Variants in ADAM12 observed in about 807,000 individuals in gnomAD.
ADAM12 encodes disintegrin and metalloproteinase domain-containing protein 12.
Under a neutral mutation model 106.4 loss-of-function variants are expected in ADAM12, and 70 were observed. That is an observed-to-expected ratio of 0.66 (90% CI 0.54 to 0.80). The LOEUF is 0.80. Among genes scored for constraint, ADAM12 ranks in the 30% least tolerant of loss-of-function variants. ADAM12 has a pLI of 0.00. For missense variants in ADAM12, 1,010 were observed against 1,171.9 expected (o/e 0.86, Z 2.02); for synonymous variants, 420 against 433.5 (o/e 0.97, Z 0.39).
rs1424469145 is a variant in ADAM12 at position 126,098,516 on chromosome 10, G to A, written c.912-16C>T. 6.3e-7 allele frequency: 1 copy of A among 1,599,856 alleles called. No individual in the cohort carries two copies. Among genetic ancestry groups the A allele is most frequent in the South Asian group, 1.1e-5 (1 of 90,704 alleles). ...ATAAACCCCACTAGGAAATAAAAGA[G>A]AGGACTTTCTTTAATCAAATTAGAA... On this transcript the variant is annotated splice_polypyrimidine_tract_variant and intron_variant, in intron 9 of 22. Transcript: ENST00000448723.
chr10:126,297,897 C>T (rs925705461), intron 2 of ADAM12, among the ~76,000 whole-genome samples: 4 of 152,058 alleles, frequency 2.6e-5, no homozygotes, highest in Admixed American at 2.6e-4. Context: ...ACCAGAACTT[C>T]CCACAGACTC....
chr10:126,266,023 G>A (rs1959089119), intron 3 of ADAM12, among the ~76,000 whole-genome samples: 1 of 152,306 alleles, frequency 6.6e-6, no homozygotes, highest in East Asian at 1.9e-4. Context: ...ATTTGCAGGT[G>A]AAATGACGTG....
chr10:126,139,980 TG>T (rs1956480574), intron 4 of ADAM12, among the ~76,000 whole-genome samples: 2 of 152,216 alleles, frequency 1.3e-5, no homozygotes, highest in Non-Finnish European at 2.9e-5. Flanking sequence ...CATAATGCTC[TG>T]GGGCATCAGG....
chr10:126,239,427 T>C (rs1435370793), intron 3 of ADAM12, among the ~76,000 whole-genome samples: 3 of 152,250 alleles, frequency 2.0e-5, no homozygotes, highest in African/African-American at 7.2e-5. Flanking sequence ...GTCCTACATT[T>C]ATAAAATCTG....
At chr10:126,287,161 T>G (rs1959904741) in intron 2 of ADAM12, among the ~76,000 whole-genome samples, 1 of 152,228 alleles carries the variant, frequency 6.6e-6, no homozygotes, top group African/African-American at 2.4e-5. Flanking sequence ...CAGAGCATCT[T>G]AAAGCCTTAT....
At chr10:126,335,117 C>A (rs1210118216) in intron 1 of ADAM12, among the ~76,000 whole-genome samples, 1 of 152,176 alleles carries the variant, frequency 6.6e-6, no homozygotes, top group Non-Finnish European at 1.5e-5. Flanking sequence ...TCTGTTTAAC[C>A]AAACCACACT....
chr10:126,092,212 T>C (rs1196547128), intron 11 of ADAM12, among the ~76,000 whole-genome samples: 2 of 152,222 alleles, frequency 1.3e-5, no homozygotes, highest in African/African-American at 4.8e-5. Flanking sequence ...TAGGCTAATG[T>C]ATTTGTGCCC....
intron 14 of ADAM12, among the ~76,000 whole-genome samples, chr10:126,054,268 C>T (rs1317711450): frequency 2.0e-5 from 3 of 152,142 alleles, no homozygotes; most frequent in Non-Finnish European, 4.4e-5. Context: ...CCAGAATAAC[C>T]AAAATGGGAT....
At chr10:126,191,278 G>A (rs939828074) in intron 3 of ADAM12, among the ~76,000 whole-genome samples, 5 of 151,866 alleles carry the variant, frequency 3.3e-5, no homozygotes, top group African/African-American at 1.2e-4. Flanking sequence ...CTGGGATTGA[G>A]TCACCGGGCC....
chr10:126,298,972 A>G (rs1243670695), intron 2 of ADAM12, among the ~76,000 whole-genome samples: 1 of 152,242 alleles, frequency 6.6e-6, no homozygotes, highest in African/African-American at 2.4e-5. Context: ...AATTGAGAGA[A>G]TTCAGCAGCC....
At chr10:126,320,145 G>A (rs904999529) in intron 2 of ADAM12, among the ~76,000 whole-genome samples, 1 of 152,214 alleles carries the variant, frequency 6.6e-6, no homozygotes, top group Non-Finnish European at 1.5e-5. Context: ...TCTCTTGTTA[G>A]AAAGAAACTA....
chr10:126,310,201 C>T (rs1961022323), intron 2 of ADAM12, among the ~76,000 whole-genome samples: 1 of 150,094 alleles, frequency 6.7e-6, no homozygotes. Flanking sequence ...TTGGAGTATT[C>T]TGAAAGGGTC....
chr10:126,212,637 G>C (rs1434603840), intron 3 of ADAM12, among the ~76,000 whole-genome samples: 1 of 152,012 alleles, frequency 6.6e-6, no homozygotes, highest in East Asian at 1.9e-4. Context: ...TCTCAGTCTT[G>C]CCTTGCTAAT....
intron 1 of ADAM12, among the ~76,000 whole-genome samples, chr10:126,358,164 G>T (rs1321465737): frequency 2.2e-5 from 3 of 133,686 alleles, no homozygotes; most frequent in Non-Finnish European, 3.1e-5. Flanking sequence ...GGGTGACCGT[G>T]AGACTCCGTC....
At chr10:126,139,644 G>T (rs577735249) in intron 4 of ADAM12, among the ~76,000 whole-genome samples, 1 of 151,898 alleles carries the variant, frequency 6.6e-6, no homozygotes, top group South Asian at 2.1e-4. Context: ...GATAGTGGGC[G>T]CTGGGGGTGG....
chr10:126,269,169 T>A (rs1222453551), intron 3 of ADAM12, among the ~76,000 whole-genome samples: 1 of 152,174 alleles, frequency 6.6e-6, no homozygotes, highest in African/African-American at 2.4e-5. Flanking sequence ...TGAGGATGAC[T>A]AGGGGTCACT....
At chr10:126,228,219 G>A (rs1251052230) in intron 3 of ADAM12, among the ~76,000 whole-genome samples, 1 of 152,280 alleles carries the variant, frequency 6.6e-6, no homozygotes, top group African/African-American at 2.4e-5. Context: ...AGTCGTAACT[G>A]TACCCCCCAA....
intron 2 of ADAM12, among the ~76,000 whole-genome samples, chr10:126,311,934 C>A (rs928979122): frequency 6.6e-6 from 1 of 152,010 alleles, no homozygotes; most frequent in Non-Finnish European, 1.5e-5. Flanking sequence ...GTCATGGGAC[C>A]CCTTCACTTG....
chr10:126,027,285 C>G (rs1176110796), intron 21 of ADAM12, among the ~76,000 whole-genome samples: 2 of 152,132 alleles, frequency 1.3e-5, no homozygotes. Context: ...CAGCTGAACT[C>G]TACAAGAGGT....
Sources: gnomAD v4.1 joint callset for allele counts (sites outside exome capture counted in the v4.1 genomes callset) on GRCh38, gnomAD v4.1.1 for gene constraint, MANE v1.5 for transcripts, NCBI Gene and HGNC (gene_info 2026-07-23, HGNC 2026-07-21) for gene names.